Variants in IL34 observed in about 807,000 individuals in gnomAD.
IL34 encodes interleukin-34.
A neutral mutation model predicts 25.3 loss-of-function variants in IL34; 17 were observed. The observed-to-expected ratio is 0.67, with a 90% CI of 0.46 to 1.01. IL34 has a LOEUF of 1.01. Among genes scored for constraint, IL34 ranks in the 50% least tolerant of loss-of-function variants. The pLI, the probability that IL34 is intolerant of heterozygous loss-of-function variation, is 0.00. For missense variants in IL34, 368 were observed against 312.9 expected (o/e 1.18, Z -1.33); for synonymous variants, 174 against 140.9 (o/e 1.23, Z -1.66).
intron 1 of IL34, among the ~76,000 whole-genome samples, chr16:70,634,672 T>C (rs1434923283): frequency 1.4e-5 from 2 of 146,962 alleles, no homozygotes; most frequent in Non-Finnish European, 3.0e-5. Flanking sequence ...AGAGCGAGAT[T>C]CCGAATCAAA....
At chr16:70,657,726 G>A (rs1401499462) in intron 4 of IL34, among the ~76,000 whole-genome samples, 2 of 152,174 alleles carry the variant, frequency 1.3e-5, no homozygotes, top group Admixed American at 6.5e-5. Flanking sequence ...AGTGAGCTGA[G>A]ATTGCACCAT....
intron 1 of IL34, chr16:70,654,063 AG>A (rs1177705571): frequency 6.5e-6 from 1 of 153,078 alleles, no homozygotes; most frequent in Non-Finnish European, 1.5e-5. Flanking sequence ...TAGAGCAGGA[AG>A]GAAAGTGGTG....
At position 70,630,963 on chromosome 16, in the gene IL34, C is replaced by T. The variant is rs12926402; in HGVS notation, c.-400-15585C>T. Among the ~76,000 whole-genome samples the T allele has an allele frequency of 1.2e-4, 18 of 151,936 alleles. 1 individual carries two copies. The highest frequency in any genetic ancestry group is 3.3e-4 in the Admixed American group (5 of 15,266). On this transcript the variant is annotated intron_variant, in intron 1 of 6. Transcript: ENST00000429149. ...AGTGCTGCAATAAACATGGGAGTGC[C>T]GATATGTCTTCAATATACTGATTTC... is the stretch of plus-strand genomic sequence containing the variant.
intron 1 of IL34, among the ~76,000 whole-genome samples, chr16:70,586,248 C>A (rs904966100): frequency 1.3e-5 from 2 of 152,114 alleles, no homozygotes; most frequent in Non-Finnish European, 2.9e-5. Flanking sequence ...TTAGCTATTG[C>A]GAATAACGCT....
At chr16:70,627,494 T>G (rs1337870353) in intron 1 of IL34, among the ~76,000 whole-genome samples, 2 of 143,886 alleles carry the variant, frequency 1.4e-5, no homozygotes, top group Non-Finnish European at 3.0e-5. Context: ...TTCTTTCTCT[T>G]TCTTTGAGAC....
intron 1 of IL34, among the ~76,000 whole-genome samples, chr16:70,627,584 C>T (rs940963984): frequency 1.3e-5 from 2 of 151,962 alleles, no homozygotes; most frequent in Non-Finnish European, 2.9e-5. Context: ...TGGACTCAAG[C>T]AGTCCTCCCA....
Position 70,583,195 on chromosome 16 carries a change from C to G in IL34, c.-401+3146C>G, listed in dbSNP as rs535351738. ...TGTCCCGATTTCAGCTCACTGCAAACTCTGCCTCCTGGGTTCAAGTGATTC... is the reference window on the plus strand; with the variant it reads ...TGTCCCGATTTCAGCTCACTGCAAAGTCTGCCTCCTGGGTTCAAGTGATTC... On this transcript the variant is annotated intron_variant, in intron 1 of 6. Coordinates refer to the IL34 transcript ENST00000429149. 2.5e-3 allele frequency among the ~76,000 whole-genome samples: 379 copies of G among 152,252 alleles called. 1 individual carries two copies. The highest frequency in any genetic ancestry group is 4.1e-3 in the Non-Finnish European group (280 of 68,014).
intron 1 of IL34, among the ~76,000 whole-genome samples, chr16:70,637,593 C>G (rs901666167): frequency 7.9e-5 from 12 of 152,174 alleles, no homozygotes; most frequent in Admixed American, 5.9e-4. Context: ...ATCTGCCCCC[C>G]CTCGACCTCC....
intron 1 of IL34, among the ~76,000 whole-genome samples, chr16:70,586,762 A>T (rs1426816147): frequency 6.6e-6 from 1 of 152,172 alleles, no homozygotes; most frequent in Non-Finnish European, 1.5e-5. Flanking sequence ...TGCAAGGTGC[A>T]ACTGAGTCTC....
intron 1 of IL34, among the ~76,000 whole-genome samples, chr16:70,619,677 C>T (rs1270251382): frequency 2.6e-5 from 4 of 152,206 alleles, no homozygotes; most frequent in Non-Finnish European, 5.9e-5. Context: ...CGAAGCTCAG[C>T]GTCTGTGATG....
intron 1 of IL34, among the ~76,000 whole-genome samples, chr16:70,619,645 A>G (rs948843672): frequency 6.6e-6 from 1 of 152,190 alleles, no homozygotes; most frequent in Non-Finnish European, 1.5e-5. Flanking sequence ...GAAAGGGCTT[A>G]CCTTCCACTG....
chr16:70,660,314 T>C lies in IL34; in HGVS notation c.*127T>C, dbSNP rs2052374349. The C allele has an allele frequency of 4.6e-6, 4 of 861,752 alleles. No homozygotes were observed. The highest frequency in any genetic ancestry group is 6.8e-6 in the Non-Finnish European group (4 of 590,192). 53.4% of individuals were successfully genotyped at this position (861,752 alleles called of 1,614,324 possible). ...GGAGAGGACCCCTGGGAAGGGTGTTTTTCCTTTGAGGGGGATTCTGTGCCA... is the reference window on the plus strand; with the variant it reads ...GGAGAGGACCCCTGGGAAGGGTGTTCTTCCTTTGAGGGGGATTCTGTGCCA... On this transcript the variant is annotated 3_prime_UTR_variant, in exon 6 of 6. Transcript: ENST00000288098.
intron 1 of IL34, among the ~76,000 whole-genome samples, chr16:70,639,201 G>A (rs1034895228): frequency 3.9e-5 from 6 of 152,180 alleles, no homozygotes; most frequent in African/African-American, 1.2e-4. Flanking sequence ...TGTACAGCCC[G>A]GATCCAGGAG....
chr16:70,627,632 C>G (rs930959257), intron 1 of IL34, among the ~76,000 whole-genome samples: 2 of 152,072 alleles, frequency 1.3e-5, no homozygotes, highest in Non-Finnish European at 2.9e-5. Flanking sequence ...CCATACCTGG[C>G]TAATCTTTTT....
At chr16:70,591,095 A>G (rs527704926) in intron 1 of IL34, among the ~76,000 whole-genome samples, 35 of 152,322 alleles carry the variant, frequency 2.3e-4, no homozygotes, top group Non-Finnish European at 4.0e-4. Flanking sequence ...CGTGTCACTC[A>G]GTGCCTTCCT....
chr16:70,580,506 G>A (rs527676802), intron 1 of IL34, among the ~76,000 whole-genome samples: 3 of 152,200 alleles, frequency 2.0e-5, no homozygotes, highest in Admixed American at 1.3e-4. Flanking sequence ...TTGGCCAGGC[G>A]CAGTGGCTCA....
intron 1 of IL34, among the ~76,000 whole-genome samples, chr16:70,610,157 G>A (rs2051069503): frequency 6.6e-6 from 1 of 151,414 alleles, no homozygotes. Flanking sequence ...AGCCAAGATT[G>A]CGCCACTCCA....
upstream of IL34, among the ~76,000 whole-genome samples, chr16:70,645,070 A>C (rs1476849304): frequency 7.2e-6 from 1 of 138,070 alleles, no homozygotes. Context: ...AAGGAAGGAG[A>C]AAGGAAGAGG....
At chr16:70,638,517 C>T (rs906612961) in intron 1 of IL34, among the ~76,000 whole-genome samples, 1 of 152,018 alleles carries the variant, frequency 6.6e-6, no homozygotes, top group African/African-American at 2.4e-5. Context: ...GCCTTCTGAC[C>T]CCCCCACTCT....
Sources: allele counts gnomAD v4.1 joint callset (sites outside exome capture counted in the v4.1 genomes callset), GRCh38; gene constraint gnomAD v4.1.1; transcripts MANE v1.5; gene names NCBI Gene and HGNC (gene_info 2026-07-23, HGNC 2026-07-21).